ANO1: variants seen among roughly 807,000 people sequenced by gnomAD.
ANO1 encodes anoctamin-1.
In ANO1, 59 loss-of-function variants were observed where a neutral mutation model predicts 124.0. The ratio of observed to expected loss-of-function variants is 0.48; its 90% CI spans 0.39 to 0.59. ANO1 has a LOEUF of 0.59. Ranked by LOEUF, ANO1 falls within the 20% of genes least tolerant of loss-of-function variation. The pLI is 0.00. For synonymous variants in ANO1, 529 were observed against 532.0 expected (o/e 0.99, Z 0.08); for missense variants, 1,059 against 1,328.0 (o/e 0.80, Z 3.15).
chr11:70,165,511 C>T lies in ANO1; in HGVS notation c.1992C>T (p.Leu664=), dbSNP rs377131457. ...GGCLMELCIQ[L]SIIMLGKQLI... ...GCCTGATGGAGCTATGCATCCAGCT[C>T]AGCATCATCATGCTGGGGAAACAGC... The change falls in exon 20 of 26, where the codon CTC becomes CTT. Residue 664 remains leucine, a synonymous_variant. Coordinates refer to ENST00000355303, the MANE Select transcript of ANO1 (RefSeq NM_018043.7). The T allele has an allele frequency of 9.9e-6, 16 of 1,611,972 alleles. No homozygotes were observed. The highest frequency in any genetic ancestry group is 1.3e-5 in the Non-Finnish European group (15 of 1,179,272).
intron 8 of ANO1, among the ~76,000 whole-genome samples, chr11:70,121,528 CCTCTGT>C (rs1376282086): frequency 7.0e-6 from 1 of 142,934 alleles, no homozygotes; most frequent in Non-Finnish European, 1.5e-5. Context: ...TCTCCATCTG[CCTCTGT>C]CTCTGTCTCT....
At chr11:70,009,611 T>G (rs6592611) in intron 1 of ANO1, among the ~76,000 whole-genome samples, 75,006 of 151,894 alleles carry the variant, frequency 0.49, 19,683 homozygotes, top group East Asian at 0.89. Flanking sequence ...AATTCACAAA[T>G]AAAAAGGTTT....
chr11:70,006,599 CCTT>C (rs1856490125), intron 1 of ANO1, among the ~76,000 whole-genome samples: 1 of 149,926 alleles, frequency 6.7e-6, no homozygotes, highest in Non-Finnish European at 1.5e-5. Flanking sequence ...TTCTTTCTTT[CCTT>C]CTTTCTTTCT....
chr11:69,966,896 AC>A, the ANO1 span, among the ~76,000 whole-genome samples: 1 of 152,184 alleles, frequency 6.6e-6, no homozygotes, highest in Non-Finnish European at 1.5e-5. Context: ...AGGGTGGCAA[AC>A]AACCCCTCCT....
chr11:70,179,374 TG>T (rs2048851902), intron 22 of ANO1, among the ~76,000 whole-genome samples: 1 of 152,240 alleles, frequency 6.6e-6, no homozygotes, highest in Non-Finnish European at 1.5e-5. Flanking sequence ...GCCTCCTTCC[TG>T]GGCCCTGCTA....
chr11:70,125,343 A>AAAAT (rs1156479934), intron 9 of ANO1, among the ~76,000 whole-genome samples: 23 of 148,332 alleles, frequency 1.6e-4, no homozygotes, highest in Admixed American at 2.0e-4. Flanking sequence ...ACTCCATCTC[A>AAAAT]AAATAAATAA....
At position 70,166,092 on chromosome 11, in the gene ANO1, C is replaced by T. The variant is rs969841174; in HGVS notation, c.2051+522C>T. 1.6e-4 allele frequency among the ~76,000 whole-genome samples: 24 copies of T among 151,874 alleles called. No individual in the cohort carries two copies. In the South Asian group the frequency reaches 4.8e-3, roughly 30 times the overall value. ...CAGCACTTTGGGAGGCTGAGGCAGG[C>T]GGATCACTTGAGGTCAATAATTCGA... On this transcript the variant is annotated intron_variant, in intron 20 of 25. Coordinates refer to ENST00000355303, the MANE Select transcript of ANO1 (RefSeq NM_018043.7).
At chr11:70,097,516 TTGCCCGCG>T (rs2045045123) in intron 2 of ANO1, among the ~76,000 whole-genome samples, 1 of 152,190 alleles carries the variant, frequency 6.6e-6, no homozygotes, top group Admixed American at 6.5e-5. Context: ...ATCTCCCATC[TTGCCCGCG>T]TGCCCTCTGG....
chr11:70,182,798 C>A, intron 24 of ANO1, 112 bp downstream of exon 24: 2 of 988,078 alleles, frequency 2.0e-6, no homozygotes, highest in Non-Finnish European at 2.8e-6. Context: ...CGCAAACTTG[C>A]TTAAAAAGAA....
chr11:70,086,670 A>G (rs539864846), intron 1 of ANO1, among the ~76,000 whole-genome samples: 1 of 152,242 alleles, frequency 6.6e-6, no homozygotes, highest in Admixed American at 6.5e-5. Context: ...GAGCGGGTGC[A>G]TGATCACCCA....
intron 20 of ANO1, among the ~76,000 whole-genome samples, chr11:70,165,976 T>C (rs1229114443): frequency 6.6e-6 from 1 of 150,756 alleles, no homozygotes; most frequent in Non-Finnish European, 1.5e-5. Context: ...GCTATGATTG[T>C]ACCACTGCAC....
rs142915070 is a variant in ANO1, at chr11:70,085,708, CTCCTCTCTCCT to C, written c.109-2040_109-2030del. On this transcript the variant is annotated intron_variant, in intron 1 of 25. Coordinates refer to ENST00000355303, the MANE Select transcript of ANO1 (RefSeq NM_018043.7). ...CCAACCAGCAGCCCTGGCCCAGAGC[CTCCTCTCTCCT>C]TCCCCTACAACTAAAAAGGACAGCC... 1.6e-3 allele frequency: 2,348 copies of C among 1,441,558 alleles called. 38 individuals carry two copies. In the African/African-American group the frequency reaches 0.027, roughly 16 times the overall value. 89.3% of individuals were successfully genotyped at this position (1,441,558 alleles called of 1,614,324 possible).
chr11:70,076,945 G>C (rs1283584277), upstream of ANO1, among the ~76,000 whole-genome samples: 1 of 152,246 alleles, frequency 6.6e-6, no homozygotes, highest in African/African-American at 2.4e-5. Context: ...ACTCCCATGA[G>C]AAGGCAGAGG....
At chr11:70,145,325 T>C (rs1590851213) in intron 11 of ANO1, among the ~76,000 whole-genome samples, 1 of 152,036 alleles carries the variant, frequency 6.6e-6, no homozygotes, top group Non-Finnish European at 1.5e-5. Flanking sequence ...CATGGTGGGG[T>C]CTGTGGCCAA....
chr11:70,124,436 C>T (rs764095814), intron 9 of ANO1, 22 bp downstream of exon 9: 19 of 1,612,186 alleles, frequency 1.2e-5, no homozygotes, highest in Admixed American at 1.2e-4. Flanking sequence ...CCACAGCCTG[C>T]GGGAATCAAG....
chr11:69,974,604 GA>G, the ANO1 span, among the ~76,000 whole-genome samples: 1 of 152,216 alleles, frequency 6.6e-6, no homozygotes, highest in Non-Finnish European at 1.5e-5. Flanking sequence ...AGGGATGGGG[GA>G]CCCACCTGTG....
intron 10 of ANO1, among the ~76,000 whole-genome samples, chr11:70,127,703 A>G (rs1191253060): frequency 6.6e-6 from 1 of 152,204 alleles, no homozygotes; most frequent in Non-Finnish European, 1.5e-5. Flanking sequence ...TAGCCAAAAA[A>G]AAAAAGAGTC....
At chr11:70,115,792 G>T (rs189580744) in intron 7 of ANO1, among the ~76,000 whole-genome samples, 1 of 152,200 alleles carries the variant, frequency 6.6e-6, no homozygotes, top group Admixed American at 6.5e-5. Flanking sequence ...TGTTTGTGAG[G>T]GTAACGTGCA....
chr11:70,171,124 C>A (rs2048454925), intron 22 of ANO1, 85 bp downstream of exon 22: 3 of 1,495,788 alleles, frequency 2.0e-6, no homozygotes, highest in South Asian at 2.6e-5. Context: ...GAAGCTAGAG[C>A]CAGAGCTGGC....
Sources: allele counts gnomAD v4.1 joint callset (sites outside exome capture counted in the v4.1 genomes callset), GRCh38; gene constraint gnomAD v4.1.1; transcripts MANE v1.5; gene names NCBI Gene and HGNC (gene_info 2026-07-23, HGNC 2026-07-21).